GLG1: variants seen among roughly 807,000 people sequenced by gnomAD.
GLG1 encodes the protein Golgi apparatus protein 1.
GLG1 carries 38 observed loss-of-function variants against 160.5 expected under a neutral mutation model. That is an observed-to-expected ratio of 0.24 (90% CI 0.18 to 0.31). The LOEUF is 0.31. Ranked by LOEUF, GLG1 falls within the 10% of genes least tolerant of loss-of-function variation. The pLI, the probability that GLG1 is intolerant of heterozygous loss-of-function variation, is 1.00. For missense variants in GLG1, 1,373 were observed against 1,505.2 expected (o/e 0.91, Z 1.45); for synonymous variants, 644 against 543.4 (o/e 1.19, Z -2.57).
intron 18 of GLG1, among the ~76,000 whole-genome samples, chr16:74,466,502 G>T (rs754490523): frequency 5.3e-5 from 8 of 152,172 alleles, no homozygotes; most frequent in Non-Finnish European, 1.2e-4. Context: ...AGACTTCCGG[G>T]AAATCGTCAA....
chr16:74,604,618 C>T (rs549456236), intron 1 of GLG1, among the ~76,000 whole-genome samples: 4 of 152,226 alleles, frequency 2.6e-5, no homozygotes, highest in African/African-American at 9.6e-5. Context: ...ACAGCAAATA[C>T]AAAACATATT....
chr16:74,494,883 G>T, intron 5 of GLG1, 52 bp from the exon 6 acceptor site: 1 of 882,104 alleles, frequency 1.1e-6, no homozygotes, highest in South Asian at 1.3e-5. Context: ...TAGTTATGCT[G>T]AACATTATCC....
At chr16:74,575,654 AG>A (rs1379074501) in intron 1 of GLG1, among the ~76,000 whole-genome samples, 2 of 152,032 alleles carry the variant, frequency 1.3e-5, no homozygotes, top group African/African-American at 4.8e-5. Flanking sequence ...GCTGGAGTGC[AG>A]TGGCACAATC....
chr16:74,592,113 C>T (rs866036471), intron 1 of GLG1, among the ~76,000 whole-genome samples: 16 of 152,258 alleles, frequency 1.1e-4, no homozygotes, highest in Middle Eastern at 6.8e-3. Context: ...GGCTGTGGGC[C>T]ACTGTGCCTG....
At chr16:74,477,367 TA>T in intron 12 of GLG1, 28 bp downstream of exon 12, 1 of 1,557,270 alleles carries the variant, frequency 6.4e-7, no homozygotes. Context: ...ATCATTATTG[TA>T]AGACAAACAG....
At chr16:74,557,183 T>C (rs2018376930) in intron 1 of GLG1, among the ~76,000 whole-genome samples, 1 of 152,236 alleles carries the variant, frequency 6.6e-6, no homozygotes, top group East Asian at 1.9e-4. Flanking sequence ...CCCAGGACCT[T>C]TGATAAAACA....
At chr16:74,469,949 C>T (rs754336099) in intron 16 of GLG1, 36 bp downstream of exon 16, 17 of 1,304,338 alleles carry the variant, frequency 1.3e-5, no homozygotes, top group Admixed American at 1.7e-5. Context: ...AGAGGAACTT[C>T]GGGAAAGTGG....
intron 23 of GLG1, 128 bp from the exon 24 acceptor site, chr16:74,458,122 G>T: frequency 1.2e-6 from 1 of 829,468 alleles, no homozygotes; most frequent in Non-Finnish European, 1.9e-6. Flanking sequence ...GACCACTTTG[G>T]GACAGGTTGC....
In GLG1 at chr16:74,585,429, G is replaced by A. The variant is rs145542741; in HGVS notation, c.438+21228C>T. On this transcript the variant is annotated intron_variant, in intron 1 of 25. Coordinates refer to ENST00000422840, the MANE Select transcript of GLG1 (RefSeq NM_001145667.2). The stretch of plus-strand genomic sequence containing the variant: ...GTCTCAAAAAAACAAAAAAGAGGCC[G>A]GGCCTGGTGGCTCACGCCTATAATC... Among the ~76,000 whole-genome samples, 503 of 151,994 alleles carry A rather than the reference G, an allele frequency of 3.3e-3. 5 individuals carry two copies. Among genetic ancestry groups the A allele is most frequent in the Middle Eastern group, 0.017 (5 of 294 alleles).
intron 1 of GLG1, among the ~76,000 whole-genome samples, chr16:74,559,998 C>A (rs1176513501): frequency 6.6e-6 from 1 of 152,186 alleles, no homozygotes; most frequent in East Asian, 1.9e-4. Flanking sequence ...TCTGTCACAA[C>A]TAAAGAACCA....
intron 1 of GLG1, among the ~76,000 whole-genome samples, chr16:74,602,937 G>A (rs1352472504): frequency 6.6e-6 from 1 of 152,026 alleles, no homozygotes; most frequent in Middle Eastern, 3.2e-3. Context: ...GACGCAGGCA[G>A]ATCACCTAAG....
At chr16:74,511,427 G>T (rs940411304) in intron 2 of GLG1, among the ~76,000 whole-genome samples, 1 of 152,038 alleles carries the variant, frequency 6.6e-6, no homozygotes, top group Non-Finnish European at 1.5e-5. Context: ...CAAGGTAGGT[G>T]GATAACCTGA....
chr16:74,532,196 A>C (rs753008171), intron 1 of GLG1, 43 bp from the exon 2 acceptor site: 30 of 225,234 alleles, frequency 1.3e-4, no homozygotes, highest in African/African-American at 1.3e-3. Flanking sequence ...AAAAAAAAAT[A>C]TATATATATA....
intron 2 of GLG1, among the ~76,000 whole-genome samples, chr16:74,527,187 T>G (rs1422328840): frequency 6.6e-6 from 1 of 152,068 alleles, no homozygotes; most frequent in Non-Finnish European, 1.5e-5. Flanking sequence ...TGTCATATAT[T>G]TTATTCTACA....
intron 18 of GLG1, among the ~76,000 whole-genome samples, chr16:74,466,847 A>C (rs12598791): frequency 0.43 from 65,820 of 151,962 alleles, 14,783 homozygotes; most frequent in African/African-American, 0.54. Flanking sequence ...GTACAAAGAA[A>C]TGAAAAGTAC....
intron 2 of GLG1, among the ~76,000 whole-genome samples, chr16:74,511,926 T>C (rs907249625): frequency 6.6e-5 from 10 of 152,108 alleles, no homozygotes; most frequent in African/African-American, 2.4e-4. Context: ...CTGTATCTCA[T>C]CTTTTTTTTG....
chr16:74,598,203 C>T (rs1412427312), intron 1 of GLG1, among the ~76,000 whole-genome samples: 1 of 152,110 alleles, frequency 6.6e-6, no homozygotes, highest in Non-Finnish European at 1.5e-5. Flanking sequence ...GTCTTGCACA[C>T]AGGTTTCAAT....
At position 74,498,515 on chromosome 16, in the gene GLG1, C is replaced by T. The variant is rs868500586; in HGVS notation, c.775-1871G>A. 2.1e-4 allele frequency among the ~76,000 whole-genome samples: 27 copies of T among 125,696 alleles called. 2 individuals carry two copies. Among genetic ancestry groups the T allele is most frequent in the Middle Eastern group, 4.5e-3 (1 of 222 alleles). 82.5% of individuals were successfully genotyped at this position (125,696 alleles called of 152,430 possible). A position where few individuals can be genotyped will look rare whatever the true frequency, so the allele number is the denominator to read the frequency against. ...TATATAGTGCTATCATTTATACACA[C>T]GCAATTAAAATCTTGTTATAATAAA... On this transcript the variant is annotated intron_variant, in intron 4 of 25. Transcript: ENST00000422840.
chr16:74,571,141 C>G (rs886689423), intron 1 of GLG1, among the ~76,000 whole-genome samples: 11 of 152,240 alleles, frequency 7.2e-5, no homozygotes, highest in African/African-American at 2.6e-4. Flanking sequence ...AGGAGTGAGA[C>G]AGCAAGCTAG....
Sources: gnomAD v4.1 joint callset for allele counts (sites outside exome capture counted in the v4.1 genomes callset) on GRCh38, gnomAD v4.1.1 for gene constraint, MANE v1.5 for transcripts, NCBI Gene and HGNC (gene_info 2026-07-23, HGNC 2026-07-21) for gene names.